Variants in SOD2 observed in about 807,000 individuals in gnomAD.
SOD2 encodes the protein superoxide dismutase [Mn], mitochondrial.
Under a neutral mutation model 27.0 loss-of-function variants are expected in SOD2, and 11 were observed. That is an observed-to-expected ratio of 0.41 (90% CI 0.26 to 0.67). SOD2 has a LOEUF of 0.67. Ranked by LOEUF, SOD2 falls within the 30% of genes least tolerant of loss-of-function variation. SOD2 has a pLI of 0.34. For synonymous variants in SOD2, 105 were observed against 103.0 expected (o/e 1.02, Z -0.12); for missense variants, 250 against 274.5 (o/e 0.91, Z 0.63).
chr6:159,756,821 C>G (rs550696359), intron 1 of SOD2, among the ~76,000 whole-genome samples: 2 of 152,200 alleles, frequency 1.3e-5, no homozygotes, highest in African/African-American at 4.8e-5. Flanking sequence ...ACAGGCTGGC[C>G]TCAAACTCCT....
At chr6:159,703,758 A>G (rs1365479733) in intron 1 of SOD2, among the ~76,000 whole-genome samples, 1 of 152,230 alleles carries the variant, frequency 6.6e-6, no homozygotes, top group East Asian at 1.9e-4. Context: ...ACACAAGTGA[A>G]ACTGCATCAA....
chr6:159,755,760 C>CTTTTA, intron 1 of SOD2: 2 of 281,868 alleles, frequency 7.1e-6, no homozygotes, highest in Non-Finnish European at 9.4e-6. Context: ...TTTTTTTTTT[C>CTTTTA]TTTTCTTTTT....
At position 159,720,847 on chromosome 6, in the gene SOD2, CTTTTTTTTT is replaced by C. The variant is rs763455003; in HGVS notation, c.-116+6273_-116+6281del. ...CACTATACAGGTGTATTTTCTTTAC[CTTTTTTTTT>C]TTTTTTTTTTTTTTTTTTGAGACAG... On this transcript the variant is annotated intron_variant, in intron 1 of 2. Coordinates refer to the SOD2 transcript ENST00000401980. Among the ~76,000 whole-genome samples, 34 of 59,962 alleles carry C rather than the reference CTTTTTTTTT, an allele frequency of 5.7e-4. No homozygotes were observed. The South Asian group carries it at 0.015, about 26-fold the overall frequency. The allele number at this position is 59,962 out of a possible 152,430, so 39.3% of individuals were successfully genotyped here. A position where few individuals can be genotyped will look rare whatever the true frequency, so the allele number is the denominator to read the frequency against.
chr6:159,675,859 G>A lies in SOD2; in HGVS notation c.*6634C>T, dbSNP rs937654114. ...TTTGCAATCTACTCATCTGACAAAG[G>A]GCTAATATCCAGAATCTACAAGGAA... On this transcript the variant is annotated 3_prime_UTR_variant, in exon 5 of 5. Transcript: ENST00000538183. The A allele has an allele frequency of 1.3e-5, 2 of 151,878 alleles. No homozygotes were observed. The highest frequency in any genetic ancestry group is 2.4e-5 in the African/African-American group (1 of 41,306). The allele number at this position is 151,878 out of a possible 1,614,324, so 9.4% of individuals were successfully genotyped here. A position where few individuals can be genotyped will look rare whatever the true frequency, so the allele number is the denominator to read the frequency against.
intron 1 of SOD2, 99 bp from the exon 2 acceptor site, chr6:159,692,962 C>T (rs1777303261): frequency 1.5e-6 from 2 of 1,356,718 alleles, no homozygotes; most frequent in Admixed American, 2.9e-5. Flanking sequence ...CCCCCGAGTC[C>T]CCGCGTCCCC....
intron 1 of SOD2, among the ~76,000 whole-genome samples, chr6:159,717,137 CAG>C (rs1777934115): frequency 6.6e-6 from 1 of 152,076 alleles, no homozygotes; most frequent in African/African-American, 2.4e-5. Context: ...GATTTTTTTC[CAG>C]TAGCTGGACA....
chr6:159,750,940 T>C (rs1418098998), intron 1 of SOD2, among the ~76,000 whole-genome samples: 1 of 152,248 alleles, frequency 6.6e-6, no homozygotes, highest in Non-Finnish European at 1.5e-5. Flanking sequence ...TTTTCTGTTC[T>C]AATTTTGAGG....
Position 159,671,254 on chromosome 6 carries a change from C to G in SOD2, c.*11239G>C, listed in dbSNP as rs2093479. The G allele has an allele frequency of 0.22, 33,835 of 152,256 alleles. 4,009 individuals carry two copies. The highest frequency in any genetic ancestry group is 0.4 in the East Asian group (2,069 of 5,166). 9.4% of individuals were successfully genotyped at this position (152,256 alleles called of 1,614,324 possible). ...AGCTTTGAAGAGACCAGTGGTTCTCCCAGCACAGAGTTTGAGATCTGAGAA... is the reference window on the plus strand; with the variant it reads ...AGCTTTGAAGAGACCAGTGGTTCTCGCAGCACAGAGTTTGAGATCTGAGAA... On this transcript the variant is annotated 3_prime_UTR_variant, in exon 5 of 5. Transcript: ENST00000538183.
chr6:159,697,034 GACACACACACACACACAC>G (rs35334577), upstream of SOD2, among the ~76,000 whole-genome samples: 55 of 132,722 alleles, frequency 4.1e-4, no homozygotes, highest in Admixed American at 1.3e-3. Flanking sequence ...AGGAGACCCT[GACACACACACACACACAC>G]ACACACACAC....
chr6:159,687,584 G>A (rs192040728), intron 3 of SOD2, among the ~76,000 whole-genome samples: 2 of 152,200 alleles, frequency 1.3e-5, no homozygotes, highest in East Asian at 3.9e-4. Context: ...CTATGTTGGC[G>A]TGAACATAAA....
upstream of SOD2, among the ~76,000 whole-genome samples, chr6:159,732,263 C>G (rs1778619137): frequency 6.6e-6 from 1 of 152,106 alleles, no homozygotes. Flanking sequence ...TTATATTGAA[C>G]AGCATCCATG....
Position 159,692,745 on chromosome 6 carries a change from G to A in SOD2, c.142C>T (p.Gln48Ter), listed in dbSNP as rs1305834681. The A allele has an allele frequency of 1.9e-6, 3 of 1,614,154 alleles. No homozygotes were observed. Among genetic ancestry groups the A allele is most frequent in the Non-Finnish European group, 2.5e-6 (3 of 1,180,036 alleles). The change falls in exon 2 of 5, where the codon CAG becomes TAG. Residue 48 changes from glutamine to a stop codon, truncating the protein, a stop_gained. Transcript: ENST00000538183. LOFTEE classifies it high-confidence loss of function. Reference protein sequence around the residue: ...LEPHINAQIMQLHHSKHHAAY... With the variant: ...LEPHINAQIM ...GCGTGGTGCTTGCTGTGGTGCAGCT[G>A]CATGATCTGCGCGTTGATGTGAGGT...
intron 1 of SOD2, among the ~76,000 whole-genome samples, chr6:159,716,259 C>T (rs1262403447): frequency 1.3e-5 from 2 of 152,196 alleles, no homozygotes; most frequent in East Asian, 3.8e-4. Context: ...ATAAAAAGTA[C>T]AAGAACTGGC....
chr6:159,746,866 A>C (rs906721956), upstream of SOD2, among the ~76,000 whole-genome samples: 4 of 152,188 alleles, frequency 2.6e-5, no homozygotes, highest in African/African-American at 9.6e-5. Flanking sequence ...CATGAATGAA[A>C]GTGTTGACTA....
At chr6:159,734,454 T>C (rs958831746) in intron 1 of SOD2, among the ~76,000 whole-genome samples, 2 of 151,932 alleles carry the variant, frequency 1.3e-5, no homozygotes, top group African/African-American at 4.8e-5. Context: ...ATAATAAGTA[T>C]GGGTAATTAA....
chr6:159,745,826 A>G (rs990887297), upstream of SOD2, among the ~76,000 whole-genome samples: 6 of 152,224 alleles, frequency 3.9e-5, no homozygotes, highest in Admixed American at 3.9e-4. Flanking sequence ...GATGAAATAC[A>G]TGAAGCCACT....
chr6:159,762,280 C>T (rs1056958847), exon 1 of SOD2: 17 of 1,286,426 alleles, frequency 1.3e-5, no homozygotes, highest in Non-Finnish European at 1.3e-5. Flanking sequence ...CGCGGGATCC[C>T]TGGAACCCTG....
At chr6:159,755,732 TG>T in intron 1 of SOD2, 1 of 1,243,676 alleles carries the variant, frequency 8.0e-7, no homozygotes, top group Non-Finnish European at 1.0e-6. Flanking sequence ...GGTTTTTTTT[TG>T]TTGTTTTTTT....
intron 1 of SOD2, among the ~76,000 whole-genome samples, chr6:159,712,369 A>ATCAC: frequency 8.5e-6 from 1 of 117,412 alleles, no homozygotes; most frequent in African/African-American, 3.2e-5. Flanking sequence ...AGCTGCTCTG[A>ATCAC]CCTCCATAAC....
Sources: gnomAD v4.1 joint callset for allele counts (sites outside exome capture counted in the v4.1 genomes callset) on GRCh38, gnomAD v4.1.1 for gene constraint, MANE v1.5 for transcripts, NCBI Gene and HGNC (gene_info 2026-07-23, HGNC 2026-07-21) for gene names.